TPR: variants seen among roughly 807,000 people sequenced by gnomAD.
TPR encodes translocated promoter region, nuclear basket protein, also known as nucleoprotein TPR.
TPR carries 51 observed loss-of-function variants against 316.1 expected under a neutral mutation model. The observed-to-expected ratio is 0.16, with a 90% CI of 0.13 to 0.20. TPR has a LOEUF of 0.20. TPR is among the 10% of genes least tolerant of loss of function. The probability of loss-of-function intolerance (pLI) is 1.00; values close to 1 mark genes in which losing one functional copy is unlikely to be tolerated. For missense variants in TPR, 2,272 were observed against 2,754.8 expected, an observed-to-expected ratio of 0.82 and a Z score of 3.92; for synonymous variants, 981 against 914.7, an observed-to-expected ratio of 1.07 and a Z score of -1.31.
In TPR at chr1:186,351,467, T is replaced by C; in HGVS notation, c.2473A>G (p.Ile825Val). Residue 825 changes from isoleucine to valine, a missense_variant, in exon 20 of 51, where the codon ATA becomes GTA. Physicochemically the swap from Ile to Val is conservative, Grantham distance 29. Transcript: ENST00000367478. ...LLTNLQTIQG[I>V]LERSETETKQ... The stretch of plus-strand genomic sequence containing the variant: ...GTTTCTGTTTCAGATCGCTCCAGTA[T>C]TCCCTAAAGCAAAGAAAAGATTTTT... 1 of 1,592,104 alleles carries C rather than the reference T, an allele frequency of 6.3e-7. No homozygotes were observed. The highest frequency in any genetic ancestry group is 8.5e-7 in the Non-Finnish European group (1 of 1,172,622).
Position 186,356,316 on chromosome 1 carries a change from G to T in TPR, c.1858C>A (p.Gln620Lys). ...QRDMYRILLS[Q>K]TTGVAIPLHA... Reference sequence around the variant, plus strand: ...AATGGAATGGCAACTCCTGTTGTTTGTGACAATAAAATACGGTACATATCA... The same window carrying T: ...AATGGAATGGCAACTCCTGTTGTTTTTGACAATAAAATACGGTACATATCA... Residue 620 changes from glutamine to lysine, a missense_variant, in exon 15 of 51, where the codon CAA becomes AAA. Coordinates refer to ENST00000367478, the MANE Select transcript of TPR (RefSeq NM_003292.3). 1.2e-6 allele frequency: 2 copies of T among 1,608,604 alleles called. No individual in the cohort carries two copies. The highest frequency in any genetic ancestry group is 1.7e-6 in the Non-Finnish European group (2 of 1,176,338).
intron 21 of TPR, among the ~76,000 whole-genome samples, chr1:186,348,915 T>A (rs996654445): frequency 2.0e-5 from 3 of 152,206 alleles, no homozygotes; most frequent in African/African-American, 7.2e-5. Context: ...TAGGAAAGTA[T>A]ATAATTATCT....
chr1:186,357,093 T>TA (rs371673626), intron 14 of TPR, among the ~76,000 whole-genome samples: 11 of 152,140 alleles, frequency 7.2e-5, no homozygotes, highest in African/African-American at 1.7e-4. Flanking sequence ...TCGTCCCACT[T>TA]AGAGTGTGGT....
chr1:186,344,037 T>G lies in TPR; in HGVS notation c.3471A>C (p.Arg1157Ser). 1 of 1,614,148 alleles carries G rather than the reference T, an allele frequency of 6.2e-7. No individual in the cohort carries two copies. Among genetic ancestry groups the G allele is most frequent in the Non-Finnish European group, 8.5e-7 (1 of 1,180,022 alleles). ...CRCEDLEKQN[R>S]LLHDQIEKLS... ...ATTTTTCGATCTGATCATGAAGTAATCTGTTTTGTTTCTCCAGATCTTCAC... is the reference window on the plus strand; with the variant it reads ...ATTTTTCGATCTGATCATGAAGTAAGCTGTTTTGTTTCTCCAGATCTTCAC... Residue 1157 changes from arginine (R) to serine (S), a missense_variant, in exon 26 of 51, where the codon AGA becomes AGC. Transcript: ENST00000367478.
At chr1:186,359,093 T>C (rs1659110380) in intron 12 of TPR, among the ~76,000 whole-genome samples, 1 of 152,156 alleles carries the variant, frequency 6.6e-6, no homozygotes, top group South Asian at 2.1e-4. Context: ...ATTTATATTC[T>C]TTTCCAACAA....
intron 30 of TPR, among the ~76,000 whole-genome samples, chr1:186,339,358 G>C (rs922729474): frequency 6.6e-6 from 1 of 150,818 alleles, no homozygotes; most frequent in East Asian, 2.0e-4. Context: ...AAACCTCCTT[G>C]TAAGTTTTTG....
Position 186,312,536 on chromosome 1 carries a change from C to A in TPR, c.*1435G>T. ...CTTGCCTTAGTGAATAACCAAAGAC[C>A]AATACTTTCTTTTTCCTTGTGGGTA... On this transcript the variant is annotated 3_prime_UTR_variant, in exon 51 of 51. Coordinates refer to ENST00000367478, the MANE Select transcript of TPR (RefSeq NM_003292.3). 2 of 818,866 alleles carry A rather than the reference C, an allele frequency of 2.4e-6. No individual in the cohort carries two copies. Among genetic ancestry groups the A allele is most frequent in the Non-Finnish European group, 3.8e-6 (2 of 532,424 alleles). 50.7% of individuals were successfully genotyped at this position (818,866 alleles called of 1,614,324 possible). A position where few individuals can be genotyped will look rare whatever the true frequency, so the allele number is the denominator to read the frequency against.
Position 186,335,541 on chromosome 1 carries a change from C to A in TPR, c.4708G>T (p.Val1570Leu). 1 of 1,590,694 alleles carries A rather than the reference C, an allele frequency of 6.3e-7. No homozygotes were observed. Among genetic ancestry groups the A allele is most frequent in the Non-Finnish European group, 8.5e-7 (1 of 1,171,922 alleles). ...TTTTCTTTAGTTAGCTGATCTTTTACACCTAAAGAAGTAACCAGGCGATTA... is the reference window on the plus strand; with the variant it reads ...TTTTCTTTAGTTAGCTGATCTTTTAAACCTAAAGAAGTAACCAGGCGATTA... ...AKSKIAHLAG[V>L]KDQLTKENEE... The change falls in exon 34 of 51, where the codon GTA (valine) becomes TTA (leucine). Residue 1570 changes from valine to leucine, a missense_variant and splice_region_variant. This residue lies in a region of TPR where 109 missense variants were observed against 215.3 expected (regional missense o/e 0.51). Transcript: ENST00000367478.
intron 30 of TPR, 139 bp from the exon 31 acceptor site, chr1:186,338,382 G>A: frequency 1.5e-6 from 1 of 662,104 alleles, no homozygotes; most frequent in Non-Finnish European, 2.5e-6. Flanking sequence ...ATACTTCAAA[G>A]GTAAGACCTT....
At chr1:186,339,620 T>G in intron 30 of TPR, 22 bp downstream of exon 30, 2 of 1,521,754 alleles carry the variant, frequency 1.3e-6, no homozygotes, top group Admixed American at 4.5e-5. Context: ...TTATATATGA[T>G]TTAAGGCTTC....
chr1:186,313,869 G>A lies in TPR; in HGVS notation c.*102C>T. The stretch of plus-strand genomic sequence containing the variant: ...TTTTATTAATAAAGAATATTGACAT[G>A]AGTATACCAGTTTATATATAAAAAT... On this transcript the variant is annotated 3_prime_UTR_variant, in exon 51 of 51. Coordinates refer to ENST00000367478, the MANE Select transcript of TPR (RefSeq NM_003292.3). 3 of 1,452,092 alleles carry A rather than the reference G, an allele frequency of 2.1e-6. No homozygotes were observed. The highest frequency in any genetic ancestry group is 2.9e-6 in the Non-Finnish European group (3 of 1,034,670). The allele number at this position is 1,452,092 out of a possible 1,614,324, so 90.0% of individuals were successfully genotyped here. A position where few individuals can be genotyped will look rare whatever the true frequency, so the allele number is the denominator to read the frequency against.
rs1008111780 is a variant in TPR, at chr1:186,375,050, A to C, written c.-22T>G. ...CCATGTCGGTGGGGCCAGGGACCCC[A>C]GTGGCAGCGGCCGACGGGGTAGAAG... On this transcript the variant is annotated 5_prime_UTR_variant, in exon 1 of 51. Transcript: ENST00000367478. 3.7e-6 allele frequency: 6 copies of C among 1,613,798 alleles called. No homozygotes were observed. Among genetic ancestry groups the C allele is most frequent in the Non-Finnish European group, 4.2e-6 (5 of 1,179,960 alleles).
intron 33 of TPR, 85 bp downstream of exon 33, chr1:186,336,411 C>A: frequency 2.3e-6 from 3 of 1,312,860 alleles, no homozygotes; most frequent in Non-Finnish European, 3.3e-6. Context: ...AAGTAGATAC[C>A]TTTTATTTCT....
intron 15 of TPR, 52 bp from the exon 16 acceptor site, chr1:186,355,820 C>G: frequency 6.3e-7 from 1 of 1,593,254 alleles, no homozygotes. Flanking sequence ...CATAAATCAG[C>G]TTTAATCTAA....
chr1:186,346,632 T>C (rs1658688193), intron 22 of TPR, among the ~76,000 whole-genome samples: 1 of 152,160 alleles, frequency 6.6e-6, no homozygotes, highest in Non-Finnish European at 1.5e-5. Flanking sequence ...TACAATGATG[T>C]CAACCACAAA....
In TPR at chr1:186,336,709, A is replaced by G. The variant is rs936020170; in HGVS notation, c.4507-15T>C. On this transcript the variant is annotated splice_polypyrimidine_tract_variant and intron_variant, in intron 32 of 50. Transcript: ENST00000367478. The stretch of plus-strand genomic sequence containing the variant: ...TCAGATAATGTCTTTAAAGGAAAAC[A>G]AAGTATTCACCATGGAATTCAATCA... 4.4e-6 allele frequency: 7 copies of G among 1,607,842 alleles called. No individual in the cohort carries two copies. The highest frequency in any genetic ancestry group is 1.3e-5 in the African/African-American group (1 of 74,808).
At position 186,351,426 on chromosome 1, in the gene TPR, A is replaced by G. The variant is rs752529801; in HGVS notation, c.2514T>C (p.Ser838=). 6.2e-7 allele frequency: 1 copy of G among 1,611,822 alleles called. No individual in the cohort carries two copies. Among genetic ancestry groups the G allele is most frequent in the Non-Finnish European group, 8.5e-7 (1 of 1,179,010 alleles). ...CATGTTCCAGTTTTTCTATCTGGCT[A>G]CTAAGCCTTTGTTTGGTTTCTGTTT... ...RSETETKQRL[S]SQIEKLEHEI... is the part of the protein sequence containing the mutation. Residue 838 remains serine, a synonymous_variant, in exon 20 of 51, where the codon AGT becomes AGC. Transcript: ENST00000367478.
At chr1:186,318,285 G>A (rs1013825526) in intron 48 of TPR, among the ~76,000 whole-genome samples, 162 bp downstream of exon 48, 2 of 150,804 alleles carry the variant, frequency 1.3e-5, no homozygotes, top group East Asian at 2.0e-4. Context: ...CCGAGATCAC[G>A]CCACTGCACT....
chr1:186,318,411 A>C (rs1452206081), intron 48 of TPR, 36 bp downstream of exon 48: 1 of 1,591,568 alleles, frequency 6.3e-7, no homozygotes, highest in South Asian at 1.2e-5. Context: ...GTCTGTTGAG[A>C]CTAAAGCAAG....
Sources: gnomAD v4.1 joint callset for allele counts (sites outside exome capture counted in the v4.1 genomes callset) on GRCh38, gnomAD v4.1.1 for gene constraint, gnomAD v4.1.1 regional missense constraint, MANE v1.5 for transcripts, NCBI Gene and HGNC (gene_info 2026-07-23, HGNC 2026-07-21) for gene names.